Variants in COL14A1 observed in about 807,000 individuals in gnomAD.
COL14A1 encodes collagen type XIV alpha 1 chain, also known as collagen alpha-1(XIV) chain.
COL14A1 carries 136 observed loss-of-function variants against 230.3 expected under a neutral mutation model. The observed-to-expected ratio is 0.59, with a 90% CI of 0.51 to 0.68. COL14A1 has a LOEUF of 0.68. COL14A1 is among the 30% of genes least tolerant of loss of function. The pLI, the probability that COL14A1 is intolerant of heterozygous loss-of-function variation, is 0.00. For synonymous variants in COL14A1, 792 were observed against 784.1 expected (o/e 1.01, Z -0.17); for missense variants, 1,976 against 2,215.8 (o/e 0.89, Z 2.17).
chr8:120,210,074 C>T (rs1425906642), intron 12 of COL14A1, among the ~76,000 whole-genome samples, 173 bp downstream of exon 12: 1 of 151,832 alleles, frequency 6.6e-6, no homozygotes, highest in Non-Finnish European at 1.5e-5. Flanking sequence ...ATTTAATTAA[C>T]AGTCTTTGTC....
chr8:120,348,613 C>G (rs1822624146), intron 45 of COL14A1, among the ~76,000 whole-genome samples: 1 of 152,090 alleles, frequency 6.6e-6, no homozygotes. Flanking sequence ...GCACAAAAAT[C>G]TCACAAATCC....
intron 40 of COL14A1, among the ~76,000 whole-genome samples, chr8:120,320,517 G>A (rs1159072027): frequency 6.6e-6 from 1 of 152,166 alleles, no homozygotes; most frequent in African/African-American, 2.4e-5. Context: ...GACTTGAAAT[G>A]CACTTGAGAA....
intron 1 of COL14A1, among the ~76,000 whole-genome samples, chr8:120,137,202 T>G (rs1563629800): frequency 6.6e-6 from 1 of 152,116 alleles, no homozygotes; most frequent in Non-Finnish European, 1.5e-5. Context: ...GCAAGTTGAG[T>G]ATTTCAATAG....
At chr8:120,311,788 A>G (rs1473981200) in intron 37 of COL14A1, among the ~76,000 whole-genome samples, 1 of 152,046 alleles carries the variant, frequency 6.6e-6, no homozygotes, top group African/African-American at 2.4e-5. Flanking sequence ...TCTATTTGCA[A>G]TTTCTCGATA....
chr8:120,233,933 A>G (rs527565479), intron 19 of COL14A1, among the ~76,000 whole-genome samples: 229 of 152,300 alleles, frequency 1.5e-3, no homozygotes, highest in African/African-American at 5.2e-3. Flanking sequence ...TATGATATTG[A>G]TTCTAGCTAT....
intron 18 of COL14A1, among the ~76,000 whole-genome samples, chr8:120,228,986 A>C (rs1242484818): frequency 6.6e-6 from 1 of 151,766 alleles, no homozygotes; most frequent in Non-Finnish European, 1.5e-5. Flanking sequence ...TCACTGATAC[A>C]TCACTCTACC....
intron 38 of COL14A1, among the ~76,000 whole-genome samples, chr8:120,314,684 A>G (rs755085220): frequency 3.9e-5 from 6 of 152,242 alleles, no homozygotes; most frequent in Non-Finnish European, 7.3e-5. Context: ...CTTTCTGCAC[A>G]TATGATTGTG....
At chr8:120,353,555 A>G (rs1822852012) in intron 45 of COL14A1, among the ~76,000 whole-genome samples, 1 of 150,742 alleles carries the variant, frequency 6.6e-6, no homozygotes, top group South Asian at 2.1e-4. Context: ...AAAAAAACAA[A>G]CCACCCCATC....
chr8:120,342,357 A>G (rs1586881569), intron 43 of COL14A1, 23 bp from the exon 44 acceptor site: 1 of 1,612,346 alleles, frequency 6.2e-7, no homozygotes, highest in Non-Finnish European at 8.5e-7. Context: ...CTGAGTCAGG[A>G]GTATGCTTTT....
In COL14A1 at chr8:120,315,605, A is replaced by G; in HGVS notation, c.4605+19A>G. Reference sequence around the variant, plus strand: ...TCCACAGGTATTATTTTTGTTTTTTAAGTCTATTGCTCTCAGTCTACAACT... The same window carrying G: ...TCCACAGGTATTATTTTTGTTTTTTGAGTCTATTGCTCTCAGTCTACAACT... On this transcript the variant is annotated intron_variant, in intron 39 of 47. Transcript: ENST00000297848. 6.2e-7 allele frequency: 1 copy of G among 1,604,688 alleles called. No homozygotes were observed. The highest frequency in any genetic ancestry group is 1.3e-5 in the African/African-American group (1 of 74,814).
At chr8:120,129,606 C>G (rs1563625430) in intron 1 of COL14A1, among the ~76,000 whole-genome samples, 1 of 152,154 alleles carries the variant, frequency 6.6e-6, no homozygotes, top group East Asian at 1.9e-4. Flanking sequence ...AGGGATGCTG[C>G]TAACCTAATA....
chr8:120,314,044 C>T lies in COL14A1; in HGVS notation c.4551+17C>T. 6.5e-7 allele frequency: 1 copy of T among 1,542,684 alleles called. No homozygotes were observed. Among genetic ancestry groups the T allele is most frequent in the Non-Finnish European group, 8.9e-7 (1 of 1,126,680 alleles). On this transcript the variant is annotated intron_variant, in intron 38 of 47. Coordinates refer to ENST00000297848, the MANE Select transcript of COL14A1 (RefSeq NM_021110.4). ...GGAATGCCCGTGAGTTGTGTTCAAACATTCAGACGGGTTTTATTGTTATCT... is the reference window on the plus strand; with the variant it reads ...GGAATGCCCGTGAGTTGTGTTCAAATATTCAGACGGGTTTTATTGTTATCT...
At chr8:120,272,832 A>C (rs776921770) in intron 26 of COL14A1, among the ~76,000 whole-genome samples, 1 of 151,778 alleles carries the variant, frequency 6.6e-6, no homozygotes, top group Non-Finnish European at 1.5e-5. Flanking sequence ...TAAGACAACA[A>C]CACAATAATA....
At chr8:120,188,139 A>G (rs140343480) in intron 5 of COL14A1, among the ~76,000 whole-genome samples, 311 of 151,106 alleles carry the variant, frequency 2.1e-3, no homozygotes, top group African/African-American at 7.1e-3. Context: ...CTGGAGTGCA[A>G]TGGTGCAATC....
intron 35 of COL14A1, among the ~76,000 whole-genome samples, chr8:120,298,096 G>A (rs367831731): frequency 1.8e-4 from 28 of 152,020 alleles, no homozygotes; most frequent in African/African-American, 6.5e-4. Context: ...CTCATATCTT[G>A]GGATCACATT....
intron 36 of COL14A1, among the ~76,000 whole-genome samples, chr8:120,301,838 C>A (rs929561594): frequency 4.6e-5 from 7 of 152,064 alleles, no homozygotes; most frequent in Non-Finnish European, 1.5e-5. Context: ...ATAAGTGTTC[C>A]CTTTTCTCTG....
chr8:120,279,873 T>G (rs1819983680), intron 28 of COL14A1, 62 bp from the exon 29 acceptor site: 1 of 1,568,000 alleles, frequency 6.4e-7, no homozygotes, highest in Non-Finnish European at 8.7e-7. Flanking sequence ...GTGTCTTATA[T>G]TACATTATTT....
intron 4 of COL14A1, among the ~76,000 whole-genome samples, chr8:120,166,073 G>A (rs764128312): frequency 2.0e-4 from 30 of 152,194 alleles, no homozygotes; most frequent in Non-Finnish European, 3.4e-4. Context: ...CAGGTGGGCT[G>A]TGTGCAGCTC....
chr8:120,353,620 G>T (rs1822855422), intron 45 of COL14A1, among the ~76,000 whole-genome samples: 1 of 151,424 alleles, frequency 6.6e-6, no homozygotes, highest in South Asian at 2.1e-4. Context: ...CATTTATGCA[G>T]CCAAAAAACA....
Sources: gnomAD v4.1 joint callset for allele counts (sites outside exome capture counted in the v4.1 genomes callset) on GRCh38, gnomAD v4.1.1 for gene constraint, MANE v1.5 for transcripts, NCBI Gene and HGNC (gene_info 2026-07-23, HGNC 2026-07-21) for gene names.